Variants in CNTN4 observed in about 807,000 individuals in gnomAD.
CNTN4 encodes the protein contactin-4.
CNTN4 carries 77 observed loss-of-function variants against 122.5 expected under a neutral mutation model. The observed-to-expected ratio is 0.63, with a 90% CI of 0.52 to 0.76. The LOEUF is 0.76. Ranked by LOEUF, CNTN4 falls within the 30% of genes least tolerant of loss-of-function variation. CNTN4 has a pLI of 0.00. For synonymous variants in CNTN4, 512 were observed against 447.0 expected, an observed-to-expected ratio of 1.15 and a Z score of -1.83; for missense variants, 1,256 against 1,259.1, an observed-to-expected ratio of 1.00 and a Z score of 0.04.
chr3:2,124,251 T>C (rs1163992494), intron 2 of CNTN4, among the ~76,000 whole-genome samples: 2 of 152,124 alleles, frequency 1.3e-5, no homozygotes, highest in African/African-American at 4.8e-5. Context: ...AGGAATAAGA[T>C]GCCAGCATCA....
At chr3:2,480,443 C>T (rs1009931318) in intron 3 of CNTN4, among the ~76,000 whole-genome samples, 2 of 151,908 alleles carry the variant, frequency 1.3e-5, no homozygotes, top group African/African-American at 4.8e-5. Context: ...TAACATAGAC[C>T]AGTAAATGAC....
At chr3:2,604,640 C>G (rs1182419550) in intron 4 of CNTN4, among the ~76,000 whole-genome samples, 1 of 152,066 alleles carries the variant, frequency 6.6e-6, no homozygotes, top group African/African-American at 2.4e-5. Context: ...AAATGCAGAG[C>G]CCTAAGCAGG....
At chr3:2,585,122 A>G (rs919420524) in intron 4 of CNTN4, among the ~76,000 whole-genome samples, 1 of 152,224 alleles carries the variant, frequency 6.6e-6, no homozygotes, top group Non-Finnish European at 1.5e-5. Context: ...ACATCAAAAC[A>G]TGACTTAAAA....
At chr3:2,671,255 A>G (rs1043702414) in intron 4 of CNTN4, among the ~76,000 whole-genome samples, 2 of 152,278 alleles carry the variant, frequency 1.3e-5, no homozygotes, top group Non-Finnish European at 2.9e-5. Flanking sequence ...GTCTTTTCAC[A>G]TAGTCCCATT....
chr3:2,952,467 A>C (rs558111130), intron 13 of CNTN4, among the ~76,000 whole-genome samples: 34 of 152,190 alleles, frequency 2.2e-4, no homozygotes, highest in Non-Finnish European at 3.7e-4. Context: ...AGTGCTTTTT[A>C]TATGGCTCTA....
intron 3 of CNTN4, among the ~76,000 whole-genome samples, chr3:2,350,539 G>A (rs143195404): frequency 1.3e-5 from 2 of 150,838 alleles, no homozygotes; most frequent in Non-Finnish European, 2.9e-5. Flanking sequence ...ACTAGTGTAA[G>A]ATAAATACAT....
At chr3:2,707,810 A>G (rs1285731395) in intron 4 of CNTN4, among the ~76,000 whole-genome samples, 3 of 152,092 alleles carry the variant, frequency 2.0e-5, no homozygotes, top group Non-Finnish European at 4.4e-5. Flanking sequence ...TGTTTGATAC[A>G]TTTAAATAAG....
At chr3:2,506,428 T>C (rs1197206473) in intron 3 of CNTN4, among the ~76,000 whole-genome samples, 2 of 152,200 alleles carry the variant, frequency 1.3e-5, no homozygotes, top group African/African-American at 4.8e-5. Flanking sequence ...CCAGACAGAA[T>C]GATGTAGGGG....
intron 3 of CNTN4, among the ~76,000 whole-genome samples, chr3:2,523,718 A>T (rs1050250780): frequency 2.6e-5 from 4 of 152,090 alleles, no homozygotes; most frequent in African/African-American, 9.7e-5. Context: ...GAAATGTGCA[A>T]ATATCATGAC....
chr3:2,304,742 A>G (rs1261776256), intron 2 of CNTN4, among the ~76,000 whole-genome samples: 1 of 151,062 alleles, frequency 6.6e-6, no homozygotes, highest in Non-Finnish European at 1.5e-5. Context: ...AGCTTTCTCT[A>G]AGCCACATAC....
intron 2 of CNTN4, among the ~76,000 whole-genome samples, chr3:2,205,728 A>G (rs776692280): frequency 8.5e-5 from 13 of 152,062 alleles, no homozygotes; most frequent in Admixed American, 3.9e-4. Flanking sequence ...CATACTAGAA[A>G]CCCAGAACGA....
At chr3:2,806,091 G>A (rs1276133791) in intron 6 of CNTN4, among the ~76,000 whole-genome samples, 3 of 151,986 alleles carry the variant, frequency 2.0e-5, no homozygotes, top group South Asian at 2.1e-4. Flanking sequence ...TCAGAGAGAC[G>A]GGGGTCTCAC....
At chr3:2,697,716 G>GAA (rs528875668) in intron 4 of CNTN4, among the ~76,000 whole-genome samples, 4 of 151,098 alleles carry the variant, frequency 2.6e-5, no homozygotes, top group African/African-American at 9.7e-5. Context: ...TAGAGAGAGA[G>GAA]AAAAAAAAAG....
At chr3:2,768,844 C>T (rs1391114207) in intron 6 of CNTN4, among the ~76,000 whole-genome samples, 1 of 152,154 alleles carries the variant, frequency 6.6e-6, no homozygotes, top group Non-Finnish European at 1.5e-5. Flanking sequence ...GATTTATCAT[C>T]ATCACCATCC....
chr3:2,205,269 T>C (rs1173811844), intron 2 of CNTN4, among the ~76,000 whole-genome samples: 1 of 150,130 alleles, frequency 6.7e-6, no homozygotes, highest in Non-Finnish European at 1.5e-5. Context: ...ATTATTATGA[T>C]TTTTTTCCAC....
intron 4 of CNTN4, among the ~76,000 whole-genome samples, chr3:2,628,563 T>G (rs1441190783): frequency 6.6e-6 from 1 of 152,224 alleles, no homozygotes; most frequent in African/African-American, 2.4e-5. Flanking sequence ...ATTTCTCTGA[T>G]TGCCATCAGT....
chr3:2,221,197 T>C (rs1358633520), intron 2 of CNTN4, among the ~76,000 whole-genome samples: 1 of 152,134 alleles, frequency 6.6e-6, no homozygotes, highest in Non-Finnish European at 1.5e-5. Context: ...GCATCCCAGA[T>C]TTGTGGGCCT....
intron 3 of CNTN4, among the ~76,000 whole-genome samples, chr3:2,490,957 A>G (rs1181661334): frequency 1.3e-5 from 2 of 152,202 alleles, no homozygotes; most frequent in Admixed American, 6.5e-5. Context: ...ACCTAGATCT[A>G]GAGATCAAGA....
chr3:2,660,269 A>T (rs1175916143), intron 4 of CNTN4, among the ~76,000 whole-genome samples: 1 of 152,246 alleles, frequency 6.6e-6, no homozygotes, highest in Non-Finnish European at 1.5e-5. Context: ...AAAAAAAGAA[A>T]TAGAGTTATG....
Sources: gnomAD v4.1 joint callset for allele counts (sites outside exome capture counted in the v4.1 genomes callset) on GRCh38, gnomAD v4.1.1 for gene constraint, MANE v1.5 for transcripts, NCBI Gene and HGNC (gene_info 2026-07-23, HGNC 2026-07-21) for gene names.